SPTA1: variants seen among roughly 807,000 people sequenced by gnomAD.
SPTA1 encodes spectrin alpha, erythrocytic 1.
A neutral mutation model predicts 324.7 loss-of-function variants in SPTA1; 177 were observed. That is an observed-to-expected ratio of 0.55 (90% CI 0.48 to 0.62). The LOEUF (loss-of-function observed/expected upper bound fraction) is 0.62, where lower values mean the gene tolerates loss of function less well. SPTA1 is among the 20% of genes least tolerant of loss of function. The pLI is 0.00. For missense variants in SPTA1, 3,162 were observed against 2,883.6 expected (o/e 1.10, Z -2.21); for synonymous variants, 1,195 against 1,041.3 (o/e 1.15, Z -2.84).
At chr1:158,675,774 A>G (rs933031759) in intron 8 of SPTA1, among the ~76,000 whole-genome samples, 21 of 152,238 alleles carry the variant, frequency 1.4e-4, no homozygotes, top group African/African-American at 3.9e-4. Context: ...TATACAGCAC[A>G]TATATGCTGG....
chr1:158,629,954 CT>C (rs1189414691), intron 39 of SPTA1, among the ~76,000 whole-genome samples: 1 of 151,462 alleles, frequency 6.6e-6, no homozygotes, highest in Non-Finnish European at 1.5e-5. Context: ...AGGTGAAAAG[CT>C]CATACACTGA....
intron 39 of SPTA1, among the ~76,000 whole-genome samples, chr1:158,631,603 A>C: frequency 6.6e-6 from 1 of 152,298 alleles, no homozygotes; most frequent in South Asian, 2.1e-4. Flanking sequence ...AAAGTATTGA[A>C]ATAAATAAAT....
intron 12 of SPTA1, among the ~76,000 whole-genome samples, chr1:158,670,910 G>A (rs1405404951): frequency 6.6e-6 from 1 of 151,626 alleles, no homozygotes; most frequent in African/African-American, 2.4e-5. Context: ...TCTAAGTAAT[G>A]ATTCTATACT....
chr1:158,667,659 C>T (rs373267690), intron 15 of SPTA1, among the ~76,000 whole-genome samples, 199 bp downstream of exon 15: 7 of 152,110 alleles, frequency 4.6e-5, no homozygotes, highest in African/African-American at 1.7e-4. Context: ...TTGAAGGAAA[C>T]ATAAAATTGT....
chr1:158,660,591 A>G (rs1479514894), intron 18 of SPTA1, among the ~76,000 whole-genome samples: 1 of 151,872 alleles, frequency 6.6e-6, no homozygotes, highest in Non-Finnish European at 1.5e-5. Context: ...TTTAAAAAAC[A>G]GGCGAATTTC....
At chr1:158,640,032 A>G (rs1651425704) in intron 33 of SPTA1, 25 bp from the exon 34 acceptor site, 3 of 1,613,696 alleles carry the variant, frequency 1.9e-6, no homozygotes, top group Non-Finnish European at 8.5e-7. Context: ...GTGAGGAGTC[A>G]TTACAATCTT....
chr1:158,619,296 CT>C lies in SPTA1; in HGVS notation c.6455del (p.Gln2152ArgfsTer58). ...EQELQKEEAR[Q>X]VKNFEMCQEF... ...CCTGACACATCTCAAAGTTCTTGAC[CT>C]GTCTTGCCTCTTCCTTTTGCAGCTC... On this transcript the variant is annotated frameshift_variant, in exon 45 of 52. Coordinates refer to ENST00000643759, the MANE Select transcript of SPTA1 (RefSeq NM_003126.4). LOFTEE classifies it high-confidence loss of function. 6.2e-7 allele frequency: 1 copy of C among 1,614,138 alleles called. No individual in the cohort carries two copies. Among genetic ancestry groups the C allele is most frequent in the Non-Finnish European group, 8.5e-7 (1 of 1,179,996 alleles).
chr1:158,619,354 A>G lies in SPTA1; in HGVS notation c.6418-20T>C. On this transcript the variant is annotated intron_variant, in intron 44 of 51. Transcript: ENST00000643759. The stretch of plus-strand genomic sequence containing the variant: ...CCGTTCCTAAAACCCCAAATCACAG[A>G]CAACGTGACTGACATCGAAGGCCTT... The G allele has an allele frequency of 6.2e-7, 1 of 1,612,176 alleles. No individual in the cohort carries two copies. The highest frequency in any genetic ancestry group is 8.5e-7 in the Non-Finnish European group (1 of 1,178,246).
chr1:158,642,499 C>A lies in SPTA1; in HGVS notation c.4649G>T (p.Gly1550Val). The A allele has an allele frequency of 1.2e-6, 2 of 1,613,564 alleles. No individual in the cohort carries two copies. The highest frequency in any genetic ancestry group is 1.7e-6 in the Non-Finnish European group (2 of 1,179,694). ...KHQTFAHEVD[G>V]RSEQVHGVIN... The stretch of plus-strand genomic sequence containing the variant: ...GACGCCATGCACCTGCTCAGATCGG[C>A]CATCGACTTCATGTGCAAAGGTCTG... The change falls in exon 33 of 52, where the codon GGC becomes GTC. Residue 1550 changes from glycine (G) to valine (V), a missense_variant. Gly to Val is a moderately radical substitution (Grantham distance 109). Transcript: ENST00000643759.
At chr1:158,624,716 A>G (rs1197016337) in intron 42 of SPTA1, among the ~76,000 whole-genome samples, 1 of 152,206 alleles carries the variant, frequency 6.6e-6, no homozygotes, top group Non-Finnish European at 1.5e-5. Context: ...AAAGTAGTCA[A>G]TATTGTATTT....
chr1:158,662,299 C>T (rs1653275232), intron 17 of SPTA1, among the ~76,000 whole-genome samples: 1 of 152,164 alleles, frequency 6.6e-6, no homozygotes. Context: ...ACAGTATGTG[C>T]TTTATCTGCT....
chr1:158,651,039 C>T (rs916124236), intron 24 of SPTA1, among the ~76,000 whole-genome samples: 5 of 152,128 alleles, frequency 3.3e-5, no homozygotes, highest in African/African-American at 1.2e-4. Context: ...CCTCCTAATC[C>T]TGCCTTTTAA....
chr1:158,661,414 A>G lies in SPTA1; in HGVS notation c.2465-5T>C, dbSNP rs1159139372. Reference sequence around the variant, plus strand: ...TGGAAGCAATCAGGTCCTTTCCTGCAGAGGAAAGGAATTTCAAAGTTTCGG... The same window carrying G: ...TGGAAGCAATCAGGTCCTTTCCTGCGGAGGAAAGGAATTTCAAAGTTTCGG... On this transcript the variant is annotated splice_region_variant and splice_polypyrimidine_tract_variant and intron_variant, in intron 17 of 51. Coordinates refer to ENST00000643759, the MANE Select transcript of SPTA1 (RefSeq NM_003126.4). 1 of 1,613,848 alleles carries G rather than the reference A, an allele frequency of 6.2e-7. No individual in the cohort carries two copies. Among genetic ancestry groups the G allele is most frequent in the East Asian group, 2.2e-5 (1 of 44,848 alleles).
At chr1:158,642,298 T>G (rs1469003912) in intron 33 of SPTA1, 113 bp downstream of exon 33, 2 of 1,166,428 alleles carry the variant, frequency 1.7e-6, no homozygotes, top group Admixed American at 3.1e-5. Flanking sequence ...ACCCTAAAAC[T>G]TAAAGTATAA....
At chr1:158,633,047 T>G (rs1650794371) in intron 39 of SPTA1, among the ~76,000 whole-genome samples, 1 of 152,176 alleles carries the variant, frequency 6.6e-6, no homozygotes, top group African/African-American at 2.4e-5. Context: ...CAGAGTATGG[T>G]GCTGAGTGAA....
At chr1:158,667,180 G>A (rs1429678000) in intron 15 of SPTA1, among the ~76,000 whole-genome samples, 1 of 152,094 alleles carries the variant, frequency 6.6e-6, no homozygotes, top group African/African-American at 2.4e-5. Flanking sequence ...AAATCAGTAT[G>A]ACATATTTAT....
intron 22 of SPTA1, 127 bp downstream of exon 22, chr1:158,653,147 G>A (rs1023697326): frequency 9.0e-6 from 13 of 1,441,062 alleles, no homozygotes; most frequent in African/African-American, 2.8e-5. Flanking sequence ...GTTTACTTTC[G>A]ATTCTTAAAA....
chr1:158,651,924 C>A (rs934586425), intron 23 of SPTA1, among the ~76,000 whole-genome samples: 2 of 144,404 alleles, frequency 1.4e-5, no homozygotes, highest in Non-Finnish European at 3.0e-5. Flanking sequence ...TGTGTGTGTG[C>A]GCGTGTGTGT....
At chr1:158,638,745 CAAAAAAAAA>C (rs34072412) in intron 35 of SPTA1, among the ~76,000 whole-genome samples, 1 of 92,214 alleles carries the variant, frequency 1.1e-5, no homozygotes, top group Non-Finnish European at 2.1e-5. Context: ...GAGCTGGTAC[CAAAAAAAAA>C]AAAAAAAAAA....
Sources: allele counts gnomAD v4.1 joint callset (sites outside exome capture counted in the v4.1 genomes callset), GRCh38; gene constraint gnomAD v4.1.1; transcripts MANE v1.5; gene names NCBI Gene and HGNC (gene_info 2026-07-23, HGNC 2026-07-21).